The following CHST8 variants were observed in gnomAD, a reference collection of about 807,000 sequenced individuals.
CHST8 encodes carbohydrate sulfotransferase 8, also known as GALNAC-4-ST1.
Under a neutral mutation model 15.0 loss-of-function variants are expected in CHST8, and 10 were observed. That is an observed-to-expected ratio of 0.67 (90% CI 0.41 to 1.13). The LOEUF is 1.13. Ranked by LOEUF, CHST8 falls within the 50% of genes most tolerant of loss-of-function variation. CHST8 has a pLI of 0.00. For synonymous variants in CHST8, 259 were observed against 256.6 expected (o/e 1.01, Z -0.09); for missense variants, 634 against 608.2 (o/e 1.04, Z -0.45).
intron 3 of CHST8, among the ~76,000 whole-genome samples, chr19:33,689,914 G>C (rs1159548424): frequency 8.5e-5 from 13 of 152,192 alleles, no homozygotes; most frequent in African/African-American, 3.1e-4. Context: ...ACCCCTGCCT[G>C]GTAGCCCACT....
At chr19:33,644,981 G>T (rs1308270024) in intron 1 of CHST8, among the ~76,000 whole-genome samples, 2 of 152,164 alleles carry the variant, frequency 1.3e-5, no homozygotes, top group Non-Finnish European at 2.9e-5. Flanking sequence ...GCAACAGCTG[G>T]AGACATTTTT....
At chr19:33,626,782 C>T (rs1396041058) in intron 1 of CHST8, among the ~76,000 whole-genome samples, 2 of 118,888 alleles carry the variant, frequency 1.7e-5, no homozygotes, top group Non-Finnish European at 3.8e-5. Context: ...CTTTTTTTTT[C>T]CTTTTTTTTT....
In CHST8 at chr19:33,713,065, G is replaced by T. The variant is rs1053420935; in HGVS notation, c.130+23674G>T. On this transcript the variant is annotated intron_variant, in intron 3 of 4. Transcript: ENST00000650847. ...GAGGTGCTGAGCCCAGCATCGGGTG[G>T]CTGGCACTCATACTCCCCACCAGCC... is the stretch of plus-strand genomic sequence containing the variant. Among the ~76,000 whole-genome samples the T allele has an allele frequency of 5.3e-5, 8 of 152,212 alleles. No homozygotes were observed. In the East Asian group the frequency reaches 1.6e-3, roughly 30 times the overall value.
intron 3 of CHST8, among the ~76,000 whole-genome samples, chr19:33,703,298 G>A (rs1260593335): frequency 6.6e-6 from 1 of 152,208 alleles, no homozygotes; most frequent in Non-Finnish European, 1.5e-5. Context: ...AGGGCCCGGT[G>A]GGGTCCCACC....
intron 4 of CHST8, 81 bp from the exon 5 acceptor site, chr19:33,771,876 C>T: frequency 1.4e-6 from 2 of 1,463,326 alleles, no homozygotes; most frequent in Non-Finnish European, 1.8e-6. Context: ...GAACCCCAGC[C>T]GTGGTGAGAG....
At chr19:33,640,596 A>T (rs8105874) in intron 1 of CHST8, among the ~76,000 whole-genome samples, 58,963 of 151,722 alleles carry the variant, frequency 0.39, 11,834 homozygotes, top group East Asian at 0.61. Context: ...TGCTAACAAG[A>T]TTTGTATGAA....
intron 3 of CHST8, among the ~76,000 whole-genome samples, chr19:33,710,908 C>G (rs994640302): frequency 6.7e-6 from 1 of 149,286 alleles, no homozygotes. Flanking sequence ...GGGTCTCACT[C>G]TGTCACCCAG....
chr19:33,737,719 C>G (rs1467257343), intron 3 of CHST8, among the ~76,000 whole-genome samples: 1 of 152,136 alleles, frequency 6.6e-6, no homozygotes, highest in East Asian at 1.9e-4. Context: ...CTAGGATGGG[C>G]ATCCTGGCCA....
intron 1 of CHST8, among the ~76,000 whole-genome samples, chr19:33,646,410 C>T (rs187331642): frequency 1.3e-4 from 20 of 152,230 alleles, no homozygotes; most frequent in Admixed American, 3.9e-4. Flanking sequence ...TCAGGTGGCA[C>T]CAGCTGGTCC....
chr19:33,723,524 T>C (rs1299465998), intron 3 of CHST8, among the ~76,000 whole-genome samples: 2 of 152,134 alleles, frequency 1.3e-5, no homozygotes, highest in African/African-American at 4.8e-5. Flanking sequence ...TCACTGCCAC[T>C]CCCTGCTCAG....
At chr19:33,641,114 C>T (rs1019400627) in intron 1 of CHST8, among the ~76,000 whole-genome samples, 4 of 152,218 alleles carry the variant, frequency 2.6e-5, no homozygotes, top group Non-Finnish European at 1.5e-5. Flanking sequence ...GTCGGCTTCT[C>T]TCTCTGCCTG....
At chr19:33,673,287 G>A (rs1322423438) in intron 2 of CHST8, among the ~76,000 whole-genome samples, 1 of 152,204 alleles carries the variant, frequency 6.6e-6, no homozygotes, top group East Asian at 1.9e-4. Flanking sequence ...AGCTGTGATT[G>A]GGACGAGTGA....
At chr19:33,675,280 A>T (rs992070617) in intron 2 of CHST8, among the ~76,000 whole-genome samples, 1 of 152,230 alleles carries the variant, frequency 6.6e-6, no homozygotes, top group African/African-American at 2.4e-5. Context: ...CTCAGGATCC[A>T]GGGGCTTGTT....
chr19:33,641,912 A>G (rs1042835284), intron 1 of CHST8, among the ~76,000 whole-genome samples: 1 of 152,364 alleles, frequency 6.6e-6, no homozygotes, highest in Middle Eastern at 3.4e-3. Context: ...AGACTAATTC[A>G]GAATTTAAAA....
At chr19:33,764,923 T>A (rs958275875) in intron 3 of CHST8, among the ~76,000 whole-genome samples, 5 of 152,004 alleles carry the variant, frequency 3.3e-5, no homozygotes, top group Non-Finnish European at 7.3e-5. Flanking sequence ...CTCCCACTTA[T>A]GAATGAGAAC....
chr19:33,636,674 G>A (rs972690712), intron 1 of CHST8, among the ~76,000 whole-genome samples: 2 of 152,186 alleles, frequency 1.3e-5, no homozygotes, highest in African/African-American at 4.8e-5. Context: ...GCCAAGGCGG[G>A]CGGATCACCT....
At chr19:33,732,140 C>T (rs1008392282) in intron 3 of CHST8, among the ~76,000 whole-genome samples, 2 of 152,162 alleles carry the variant, frequency 1.3e-5, no homozygotes, top group Non-Finnish European at 2.9e-5. Context: ...TCTGAAAAGC[C>T]GCCCCCTGAG....
intron 3 of CHST8, among the ~76,000 whole-genome samples, chr19:33,769,699 A>G (rs1308620211): frequency 6.6e-6 from 1 of 151,972 alleles, no homozygotes; most frequent in South Asian, 2.1e-4. Context: ...CAGGCCAGGC[A>G]CCTGCTACTT....
chr19:33,623,987 A>G (rs1444396960), intron 1 of CHST8, among the ~76,000 whole-genome samples: 1 of 152,186 alleles, frequency 6.6e-6, no homozygotes, highest in Admixed American at 6.5e-5. Flanking sequence ...TCAATTATCC[A>G]ATAGCATTTG....
Sources: allele counts gnomAD v4.1 joint callset (sites outside exome capture counted in the v4.1 genomes callset), GRCh38; gene constraint gnomAD v4.1.1; transcripts MANE v1.5; gene names NCBI Gene and HGNC (gene_info 2026-07-23, HGNC 2026-07-21).